The following WWOX variants were observed in gnomAD, a reference collection of about 807,000 sequenced individuals.
The protein encoded by WWOX is WW domain containing oxidoreductase.
In WWOX, 69 loss-of-function variants were observed where a neutral mutation model predicts 46.2. The observed-to-expected ratio is 1.49, with a 90% CI of 1.23 to 1.82. The LOEUF is 1.82. Among genes scored for constraint, WWOX ranks in the 40% most tolerant of loss-of-function variants. The probability of loss-of-function intolerance (pLI) is 0.00; values close to 1 mark genes in which losing one functional copy is unlikely to be tolerated. For synonymous variants in WWOX, 359 were observed against 202.6 expected (o/e 1.77, Z -6.56); for missense variants, 919 against 542.6 (o/e 1.69, Z -6.89).
At chr16:79,157,602 T>C (rs778344395) in intron 8 of WWOX, among the ~76,000 whole-genome samples, 1 of 152,180 alleles carries the variant, frequency 6.6e-6, no homozygotes, top group Non-Finnish European at 1.5e-5. Flanking sequence ...TATCTGGAGA[T>C]GTTTTAAAAT....
intron 8 of WWOX, among the ~76,000 whole-genome samples, chr16:78,748,191 C>T (rs1359240652): frequency 6.6e-6 from 1 of 152,168 alleles, no homozygotes; most frequent in African/African-American, 2.4e-5. Context: ...GGTGAACAGG[C>T]ACCAAAGCTA....
chr16:78,507,993 C>CGTGTGTGTGTGTGT (rs370434842), intron 8 of WWOX, among the ~76,000 whole-genome samples: 1 of 145,462 alleles, frequency 6.9e-6, no homozygotes, highest in African/African-American at 2.6e-5. Context: ...TTTTTGGTTG[C>CGTGTGTGTGTGTGT]GTGCGTGTGT....
chr16:78,366,162 C>G (rs1034011415), intron 5 of WWOX, among the ~76,000 whole-genome samples: 1 of 152,138 alleles, frequency 6.6e-6, no homozygotes, highest in Non-Finnish European at 1.5e-5. Flanking sequence ...TGGTAAATTC[C>G]TAGAGATGCC....
At chr16:79,072,251 A>G (rs972910535) in intron 8 of WWOX, among the ~76,000 whole-genome samples, 2 of 152,196 alleles carry the variant, frequency 1.3e-5, no homozygotes, top group African/African-American at 4.8e-5. Context: ...ATACCACTGC[A>G]ATCTAGCCTG....
intron 8 of WWOX, among the ~76,000 whole-genome samples, chr16:78,934,468 C>T (rs1302416711): frequency 7.0e-6 from 1 of 141,846 alleles, no homozygotes; most frequent in Non-Finnish European, 1.5e-5. Flanking sequence ...GTGATCACGC[C>T]ACTGCACTGC....
Position 78,223,620 on chromosome 16 carries a change from CAG to C in WWOX, c.516+59334_516+59335del, listed in dbSNP as rs550212345. On this transcript the variant is annotated intron_variant, in intron 5 of 8. Coordinates refer to ENST00000566780, the MANE Select transcript of WWOX (RefSeq NM_016373.4). ...AAGTGCTCAGCGTCCCTGGGCGGTG[CAG>C]AGTCTTGGGAAGCAAGAGGATGGAG... 8.5e-5 allele frequency among the ~76,000 whole-genome samples: 13 copies of C among 152,218 alleles called. No homozygotes were observed. In the South Asian group the frequency reaches 2.7e-3, roughly 32 times the overall value.
intron 5 of WWOX, among the ~76,000 whole-genome samples, chr16:78,380,314 G>A (rs2081926475): frequency 6.6e-6 from 1 of 152,172 alleles, no homozygotes; most frequent in Non-Finnish European, 1.5e-5. Context: ...CTGAATCATG[G>A]CTTTGCAGTT....
chr16:78,959,043 A>G (rs79713614), intron 8 of WWOX, among the ~76,000 whole-genome samples: 1,820 of 152,296 alleles, frequency 0.012, 33 homozygotes, highest in African/African-American at 0.041. Flanking sequence ...ATATTAAAAT[A>G]ATGTAATGTT....
intron 8 of WWOX, among the ~76,000 whole-genome samples, chr16:78,508,274 G>C (rs1243278214): frequency 1.4e-5 from 2 of 145,930 alleles, no homozygotes; most frequent in Non-Finnish European, 3.0e-5. Flanking sequence ...GCCACCCAAA[G>C]TGCTGGGATT....
chr16:78,645,986 T>A (rs995315084), intron 8 of WWOX, among the ~76,000 whole-genome samples: 1 of 152,044 alleles, frequency 6.6e-6, no homozygotes, highest in Non-Finnish European at 1.5e-5. Context: ...GCTCCTTCTC[T>A]CCCCCTCCTC....
At chr16:78,826,800 G>A (rs1373100280) in intron 8 of WWOX, among the ~76,000 whole-genome samples, 2 of 152,092 alleles carry the variant, frequency 1.3e-5, no homozygotes, top group Non-Finnish European at 2.9e-5. Flanking sequence ...GGTGGTATGA[G>A]GTCACAGTCA....
intron 8 of WWOX, among the ~76,000 whole-genome samples, chr16:78,655,711 T>C (rs2047065519): frequency 6.6e-6 from 1 of 152,182 alleles, no homozygotes; most frequent in African/African-American, 2.4e-5. Context: ...TATTTACTAT[T>C]TCCTGGCTGT....
intron 8 of WWOX, among the ~76,000 whole-genome samples, chr16:78,602,977 C>T (rs982482210): frequency 2.0e-5 from 3 of 152,164 alleles, no homozygotes; most frequent in East Asian, 1.9e-4. Context: ...AACCATTCTG[C>T]GTTCTTAGAT....
chr16:79,003,779 A>G lies in WWOX; in HGVS notation c.1057-207829A>G, dbSNP rs377377983. Among the ~76,000 whole-genome samples, 21 of 152,300 alleles carry G rather than the reference A, an allele frequency of 1.4e-4. No homozygotes were observed. The South Asian group carries it at 4.4e-3, about 32-fold the overall frequency. On this transcript the variant is annotated intron_variant, in intron 8 of 8. Transcript: ENST00000566780. ...GAAGTGGCACGGCCTTTTCTGACTT[A>G]GTCTCAGAAGGCAGAGGGTGTCACT...
chr16:78,979,182 T>A (rs1190327708), intron 8 of WWOX, among the ~76,000 whole-genome samples: 7 of 152,012 alleles, frequency 4.6e-5, no homozygotes, highest in Non-Finnish European at 1.0e-4. Flanking sequence ...TGCATGTGGC[T>A]TCCCCCGTTA....
chr16:78,117,677 A>T (rs2032870427), intron 4 of WWOX, among the ~76,000 whole-genome samples: 1 of 152,202 alleles, frequency 6.6e-6, no homozygotes, highest in Non-Finnish European at 1.5e-5. Context: ...CAATTTATAA[A>T]TTGCTATCAC....
rs528862382 is a variant in WWOX at position 78,944,069 on chromosome 16, G to A, written c.1057-267539G>A. 1.4e-4 allele frequency among the ~76,000 whole-genome samples: 22 copies of A among 152,298 alleles called. No individual in the cohort carries two copies. In the South Asian group the frequency reaches 1.5e-3, roughly 10 times the overall value. On this transcript the variant is annotated intron_variant, in intron 8 of 8. Transcript: ENST00000566780. ...CAAAATCAAGGACGTATTGATTTCT[G>A]AGAATTCCTCCTGGGTTTTGTTTGT... is the stretch of plus-strand genomic sequence containing the variant.
At chr16:78,351,316 G>C (rs2081179685) in intron 5 of WWOX, among the ~76,000 whole-genome samples, 1 of 152,156 alleles carries the variant, frequency 6.6e-6, no homozygotes, top group Non-Finnish European at 1.5e-5. Context: ...TGCTACAAGA[G>C]TTTCAGAATA....
intron 8 of WWOX, among the ~76,000 whole-genome samples, chr16:78,926,988 G>T (rs887325711): frequency 4.6e-5 from 7 of 152,106 alleles, no homozygotes; most frequent in African/African-American, 1.7e-4. Context: ...TAGAGATGGG[G>T]TTTTGGCATG....
Sources: gnomAD v4.1 joint callset for allele counts (sites outside exome capture counted in the v4.1 genomes callset) on GRCh38, gnomAD v4.1.1 for gene constraint, MANE v1.5 for transcripts, NCBI Gene and HGNC (gene_info 2026-07-23, HGNC 2026-07-21) for gene names.